GPC5: variants seen among roughly 807,000 people sequenced by gnomAD.
GPC5 encodes the protein glypican 5, also known as glypican-5.
GPC5 carries 47 observed loss-of-function variants against 53.9 expected under a neutral mutation model. The observed-to-expected ratio is 0.87, with a 90% confidence interval of 0.69 to 1.11. The LOEUF (loss-of-function observed/expected upper bound fraction) is 1.11, where lower values mean the gene tolerates loss of function less well. Ranked by LOEUF, GPC5 falls within the 50% of genes most tolerant of loss-of-function variation. The probability of loss-of-function intolerance (pLI) is 0.00; values close to 1 mark genes in which losing one functional copy is unlikely to be tolerated. For synonymous variants in GPC5, 286 were observed against 263.3 expected, an observed-to-expected ratio of 1.09 and a Z score of -0.84; for missense variants, 748 against 713.1, an observed-to-expected ratio of 1.05 and a Z score of -0.56.
chr13:91,920,926 CTTTTTTTTTTTTT>C (rs869309251), intron 6 of GPC5, among the ~76,000 whole-genome samples: 3 of 32,162 alleles, frequency 9.3e-5, no homozygotes, highest in Admixed American at 4.1e-4. Context: ...CTCTCTCTCT[CTTTTTTTTTTTTT>C]TTTTTTTTTT....
chr13:92,063,098 A>G (rs1418830615), intron 6 of GPC5, among the ~76,000 whole-genome samples: 2 of 151,116 alleles, frequency 1.3e-5, no homozygotes, highest in East Asian at 3.9e-4. Flanking sequence ...TCCTTACCAA[A>G]TGGAAAGTAA....
intron 7 of GPC5, among the ~76,000 whole-genome samples, chr13:92,744,785 C>T (rs1889200082): frequency 6.6e-6 from 1 of 151,876 alleles, no homozygotes; most frequent in Non-Finnish European, 1.5e-5. Flanking sequence ...CTGACTATAG[C>T]AAACCTTTGA....
intron 3 of GPC5, among the ~76,000 whole-genome samples, chr13:91,710,893 G>T (rs1481525313): frequency 6.6e-6 from 1 of 152,208 alleles, no homozygotes; most frequent in Non-Finnish European, 1.5e-5. Flanking sequence ...TTCAGGGAAA[G>T]CCTACACACA....
intron 7 of GPC5, among the ~76,000 whole-genome samples, chr13:92,406,479 A>G (rs979712336): frequency 6.6e-6 from 1 of 152,172 alleles, no homozygotes; most frequent in Admixed American, 6.5e-5. Context: ...ATCATTTTAC[A>G]ACTGGGAAAA....
At chr13:92,655,282 T>C (rs1404363973) in intron 7 of GPC5, among the ~76,000 whole-genome samples, 2 of 151,398 alleles carry the variant, frequency 1.3e-5, no homozygotes, top group Admixed American at 6.6e-5. Context: ...ATTCTGGAAA[T>C]GAAGAGTTGA....
intron 3 of GPC5, among the ~76,000 whole-genome samples, chr13:91,721,174 G>T (rs528147230): frequency 1.4e-4 from 21 of 145,966 alleles, no homozygotes; most frequent in African/African-American, 4.9e-4. Context: ...CACTCTTGTT[G>T]CCCAGGCTGG....
intron 7 of GPC5, among the ~76,000 whole-genome samples, chr13:92,521,005 A>G (rs549743035): frequency 3.3e-5 from 5 of 152,364 alleles, no homozygotes; most frequent in Admixed American, 2.0e-4. Context: ...GAGCCAAATC[A>G]TGAGTGAACT....
chr13:92,289,234 C>T (rs1433997585), intron 7 of GPC5, among the ~76,000 whole-genome samples: 1 of 152,020 alleles, frequency 6.6e-6, no homozygotes. Context: ...AATTTAATGG[C>T]ATTAATTTTA....
intron 7 of GPC5, among the ~76,000 whole-genome samples, chr13:92,591,078 T>G (rs1009068458): frequency 2.6e-5 from 4 of 152,196 alleles, no homozygotes; most frequent in African/African-American, 9.7e-5. Context: ...GTAAGATTAT[T>G]AAAATAACTT....
intron 2 of GPC5, among the ~76,000 whole-genome samples, chr13:91,564,403 C>T (rs907424475): frequency 2.0e-5 from 3 of 152,140 alleles, no homozygotes; most frequent in African/African-American, 4.8e-5. Context: ...CAAACAGCCT[C>T]GTCTCTTTAA....
Position 91,498,019 on chromosome 13 carries a change from G to A in GPC5, c.325+49097G>A, listed in dbSNP as rs149762435. Among the ~76,000 whole-genome samples, 456 of 151,940 alleles carry A rather than the reference G, an allele frequency of 3.0e-3. 4 individuals carry two copies. The highest frequency in any genetic ancestry group is 0.01 in the African/African-American group (435 of 41,454). Reference sequence around the variant, plus strand: ...ATTCCCCTGTCTAATACTGTCCAGGGACTTCTAATTGCACCTAGAGTGATA... The same window carrying A: ...ATTCCCCTGTCTAATACTGTCCAGGAACTTCTAATTGCACCTAGAGTGATA... On this transcript the variant is annotated intron_variant, in intron 2 of 7. Coordinates refer to ENST00000377067, the MANE Select transcript of GPC5 (RefSeq NM_004466.6).
At chr13:91,964,022 C>T (rs1391244540) in intron 6 of GPC5, among the ~76,000 whole-genome samples, 2 of 152,068 alleles carry the variant, frequency 1.3e-5, no homozygotes, top group South Asian at 2.1e-4. Flanking sequence ...TTCTTGGTCT[C>T]GCCGACTTCA....
Position 91,495,796 on chromosome 13 carries a change from G to A in GPC5, c.325+46874G>A, listed in dbSNP as rs1345328846. Among the ~76,000 whole-genome samples, 4 of 152,332 alleles carry A rather than the reference G, an allele frequency of 2.6e-5. No homozygotes were observed. The East Asian group carries it at 7.7e-4, about 29-fold the overall frequency. ...CCAGCACTTTGGGAGGCCGAGGCGGGTGGATCACCTGAGGTCAAGAGTTAG... is the reference window on the plus strand; with the variant it reads ...CCAGCACTTTGGGAGGCCGAGGCGGATGGATCACCTGAGGTCAAGAGTTAG... On this transcript the variant is annotated intron_variant, in intron 2 of 7. Coordinates refer to ENST00000377067, the MANE Select transcript of GPC5 (RefSeq NM_004466.6).
At chr13:92,478,170 G>A (rs1879222413) in intron 7 of GPC5, among the ~76,000 whole-genome samples, 1 of 152,052 alleles carries the variant, frequency 6.6e-6, no homozygotes, top group African/African-American at 2.4e-5. Flanking sequence ...ATTTTGAATT[G>A]TTTATCTTGA....
At chr13:92,039,105 G>T (rs2040921465) in intron 6 of GPC5, among the ~76,000 whole-genome samples, 1 of 152,230 alleles carries the variant, frequency 6.6e-6, no homozygotes, top group South Asian at 2.1e-4. Flanking sequence ...TGGGAGTAAA[G>T]CCAGACTGCA....
intron 2 of GPC5, among the ~76,000 whole-genome samples, chr13:91,544,750 T>C (rs1212459971): frequency 2.0e-5 from 3 of 152,202 alleles, no homozygotes; most frequent in Non-Finnish European, 4.4e-5. Flanking sequence ...ACCCTAAAAC[T>C]TAGCAGCTAA....
At chr13:91,531,392 C>A (rs542542317) in intron 2 of GPC5, among the ~76,000 whole-genome samples, 4 of 152,164 alleles carry the variant, frequency 2.6e-5, no homozygotes, top group South Asian at 2.1e-4. Flanking sequence ...TATAAAAATT[C>A]ATGGCAAGCC....
intron 6 of GPC5, among the ~76,000 whole-genome samples, chr13:92,098,958 CT>C (rs10633643): frequency 1.9e-3 from 276 of 143,048 alleles, no homozygotes; most frequent in African/African-American, 3.5e-3. Flanking sequence ...TTGTTCTTGC[CT>C]TTTTTTTTTT....
At chr13:92,356,613 G>T (rs2043524536) in intron 7 of GPC5, among the ~76,000 whole-genome samples, 1 of 152,134 alleles carries the variant, frequency 6.6e-6, no homozygotes, top group Admixed American at 6.6e-5. Context: ...GAAAGAGAAG[G>T]TCTCAGATGA....
Sources: allele counts gnomAD v4.1 joint callset (sites outside exome capture counted in the v4.1 genomes callset), GRCh38; gene constraint gnomAD v4.1.1; transcripts MANE v1.5; gene names NCBI Gene and HGNC (gene_info 2026-07-23, HGNC 2026-07-21).